The following DSG2 variants were observed in gnomAD, a reference collection of about 807,000 sequenced individuals.
DSG2 encodes desmoglein-2.
Under a neutral mutation model 75.6 loss-of-function variants are expected in DSG2, and 45 were observed. The ratio of observed to expected loss-of-function variants is 0.60; its 90% confidence interval spans 0.47 to 0.76. The LOEUF (loss-of-function observed/expected upper bound fraction) is 0.76. Ranked by LOEUF, DSG2 falls within the 30% of genes least tolerant of loss-of-function variation. DSG2 has a pLI of 0.00. For synonymous variants in DSG2, 429 were observed against 483.9 expected (o/e 0.89, Z 1.49); for missense variants, 1,267 against 1,357.4 (o/e 0.93, Z 1.05).
At chr18:31,536,500 A>G in intron 11 of DSG2, 71 bp downstream of exon 11, 1 of 1,407,656 alleles carries the variant, frequency 7.1e-7, no homozygotes, top group Non-Finnish European at 9.7e-7. Flanking sequence ...TGTAAGTTGT[A>G]TTTCTTCTCA....
chr18:31,510,993 C>A (rs1240900250), intron 1 of DSG2, among the ~76,000 whole-genome samples: 10 of 152,152 alleles, frequency 6.6e-5, no homozygotes. Flanking sequence ...ACAGAGTGGA[C>A]AGGTTTTTTA....
chr18:31,539,700 C>T (rs567358875), intron 12 of DSG2, among the ~76,000 whole-genome samples: 1 of 152,344 alleles, frequency 6.6e-6, no homozygotes, highest in African/African-American at 2.4e-5. Context: ...AGTGCAGTGA[C>T]AGAGGAGAGG....
Position 31,545,892 on chromosome 18 carries a change from C to G in DSG2, c.2506C>G (p.Leu836Val), listed in dbSNP as rs767979763. ...LDDLGLKFKT[L>V]AEVCLGQKID... ...TGATTTGGGACTTAAATTCAAGACA[C>G]TAGCTGAAGTTTGCCTGGGTCAAAA... Residue 836 changes from leucine (L) to valine (V), a missense_variant, in exon 15 of 15, where the codon CTA becomes GTA. By Grantham distance (32) the Leu-to-Val change is conservative. Coordinates refer to ENST00000261590, the MANE Select transcript of DSG2 (RefSeq NM_001943.5). 24 of 1,614,008 alleles carry G rather than the reference C, an allele frequency of 1.5e-5. No homozygotes were observed. The African/African-American group carries it at 2.8e-4, about 19-fold the overall frequency.
In DSG2 at chr18:31,548,514, C is replaced by T. The variant is rs1019750304; in HGVS notation, c.*1771C>T. The T allele has an allele frequency of 1.3e-5, 2 of 152,202 alleles. No homozygotes were observed. The highest frequency in any genetic ancestry group is 4.8e-5 in the African/African-American group (2 of 41,446). The allele number at this position is 152,202 out of a possible 1,614,324, so 9.4% of individuals were successfully genotyped here. ...AAGTCTGTAGCTTAAATGGAGGTTA[C>T]TCTTCCATCATCTAGAATTGTTTAC... is the stretch of plus-strand genomic sequence containing the variant. On this transcript the variant is annotated 3_prime_UTR_variant, in exon 15 of 15. Coordinates refer to ENST00000261590, the MANE Select transcript of DSG2 (RefSeq NM_001943.5).
chr18:31,508,999 C>G (rs1412213194), intron 1 of DSG2, among the ~76,000 whole-genome samples: 1 of 152,050 alleles, frequency 6.6e-6, no homozygotes, highest in Admixed American at 6.5e-5. Flanking sequence ...TAATGCCACT[C>G]AAGCTTGAAA....
At chr18:31,518,081 C>A (rs2073103837) in intron 1 of DSG2, among the ~76,000 whole-genome samples, 158 bp from the exon 2 acceptor site, 1 of 152,082 alleles carries the variant, frequency 6.6e-6, no homozygotes, top group Non-Finnish European at 1.5e-5. Context: ...TTAGGGAAGG[C>A]AATGGGAAAA....
At chr18:31,544,011 A>G (rs2073287770) in intron 14 of DSG2, among the ~76,000 whole-genome samples, 1 of 152,220 alleles carries the variant, frequency 6.6e-6, no homozygotes, top group Admixed American at 6.5e-5. Context: ...TCAGAACCTA[A>G]TAACAGAAAT....
chr18:31,500,231 G>A (rs752634760), intron 1 of DSG2, among the ~76,000 whole-genome samples: 1 of 152,188 alleles, frequency 6.6e-6, no homozygotes, highest in African/African-American at 2.4e-5. Flanking sequence ...CTACCTAAGT[G>A]TAGGAAGGAT....
Position 31,548,135 on chromosome 18 carries a change from T to TTATA in DSG2, c.*1393_*1396dup, listed in dbSNP as rs2144365294. 1 of 152,338 alleles carries TTATA rather than the reference T, an allele frequency of 6.6e-6. No homozygotes were observed. The highest frequency in any genetic ancestry group is 2.1e-4 in the South Asian group (1 of 4,828). The allele number at this position is 152,338 out of a possible 1,614,324, so 9.4% of individuals were successfully genotyped here. ...TGACTTAGTACATAAGTACTCAATA[T>TTATA]TATAAAAACCTCAAATAATTGACTT... On this transcript the variant is annotated 3_prime_UTR_variant, in exon 15 of 15. Coordinates refer to ENST00000261590, the MANE Select transcript of DSG2 (RefSeq NM_001943.5).
At chr18:31,517,778 G>A (rs1445323058) in intron 1 of DSG2, among the ~76,000 whole-genome samples, 1 of 152,034 alleles carries the variant, frequency 6.6e-6, no homozygotes, top group African/African-American at 2.4e-5. Context: ...GTCAGAACAT[G>A]GGCTGTCCGT....
At chr18:31,536,889 T>G (rs938421886) in intron 11 of DSG2, among the ~76,000 whole-genome samples, 2 of 152,216 alleles carry the variant, frequency 1.3e-5, no homozygotes, top group Non-Finnish European at 2.9e-5. Flanking sequence ...TTGGTTTAAC[T>G]GGGGGTAAGT....
intron 10 of DSG2, among the ~76,000 whole-genome samples, chr18:31,535,968 A>T (rs1247482502): frequency 6.6e-6 from 1 of 152,236 alleles, no homozygotes; most frequent in East Asian, 1.9e-4. Context: ...GTCTAAAAAA[A>T]TTTTTTAGTA....
chr18:31,505,257 G>T (rs749170284), intron 1 of DSG2, among the ~76,000 whole-genome samples: 6 of 152,098 alleles, frequency 3.9e-5, no homozygotes, highest in South Asian at 2.1e-4. Flanking sequence ...TCATCTGTGC[G>T]TTTTCCTTCC....
Position 31,534,743 on chromosome 18 carries a change from T to G in DSG2, c.1281-527T>G, listed in dbSNP as rs532015066. Among the ~76,000 whole-genome samples, 671 of 152,034 alleles carry G rather than the reference T, an allele frequency of 4.4e-3. 6 individuals carry two copies. The highest frequency in any genetic ancestry group is 0.016 in the African/African-American group (654 of 41,504). ...CAGGCTGGTCTCAAACTCCTGACCTTAAGTGATCCACCCGCCTCAGCCTCC... is the reference window on the plus strand; with the variant it reads ...CAGGCTGGTCTCAAACTCCTGACCTGAAGTGATCCACCCGCCTCAGCCTCC... On this transcript the variant is annotated intron_variant, in intron 9 of 14. Transcript: ENST00000261590.
At chr18:31,531,406 T>C (rs1235217283) in intron 9 of DSG2, among the ~76,000 whole-genome samples, 154 bp downstream of exon 9, 1 of 152,222 alleles carries the variant, frequency 6.6e-6, no homozygotes, top group Admixed American at 6.5e-5. Context: ...GATGTGTCTA[T>C]AACTGAGAGA....
intron 9 of DSG2, among the ~76,000 whole-genome samples, chr18:31,534,532 A>G (rs945686049): frequency 7.2e-5 from 5 of 69,514 alleles, no homozygotes; most frequent in Admixed American, 5.0e-4. Flanking sequence ...TTTTTTTGAG[A>G]TGGAGTTTTG....
chr18:31,501,797 C>G (rs57047618), intron 1 of DSG2, among the ~76,000 whole-genome samples: 13,483 of 152,194 alleles, frequency 0.089, 1,576 homozygotes, highest in African/African-American at 0.27. Flanking sequence ...TCCAAATAAG[C>G]TCACATTCTG....
intron 1 of DSG2, among the ~76,000 whole-genome samples, chr18:31,512,972 A>G (rs917203711): frequency 6.6e-6 from 1 of 152,250 alleles, no homozygotes; most frequent in Non-Finnish European, 1.5e-5. Flanking sequence ...GATAAGGACC[A>G]TGCAAAACTT....
intron 9 of DSG2, among the ~76,000 whole-genome samples, chr18:31,531,647 G>T (rs555413863): frequency 3.9e-5 from 6 of 152,226 alleles, no homozygotes; most frequent in Admixed American, 6.5e-5. Flanking sequence ...GTTACATAAT[G>T]TATTTTAATA....
Sources: gnomAD v4.1 joint callset for allele counts (sites outside exome capture counted in the v4.1 genomes callset) on GRCh38, gnomAD v4.1.1 for gene constraint, MANE v1.5 for transcripts, NCBI Gene and HGNC (gene_info 2026-07-23, HGNC 2026-07-21) for gene names.